The following MED16 variants were observed in gnomAD, a reference collection of about 807,000 sequenced individuals.
The protein encoded by MED16 is mediator of RNA polymerase II transcription subunit 16.
MED16 carries 81 observed loss-of-function variants against 84.4 expected under a neutral mutation model. That is an observed-to-expected ratio of 0.96 (90% CI 0.80 to 1.15). MED16 has a LOEUF of 1.15. Among genes scored for constraint, MED16 ranks in the 50% most tolerant of loss-of-function variants. MED16 has a pLI of 0.00. For missense variants in MED16, 1,585 were observed against 1,245.9 expected (o/e 1.27, Z -4.10); for synonymous variants, 897 against 552.2 (o/e 1.62, Z -8.76).
chr19:871,741 C>G, intron 12 of MED16, 185 bp downstream of exon 12: 1 of 596,404 alleles, frequency 1.7e-6, no homozygotes, highest in Admixed American at 3.0e-5. Flanking sequence ...TCAGGCAGGA[C>G]TTGTGTTTTG....
chr19:872,845 G>C, intron 11 of MED16: 2 of 579,672 alleles, frequency 3.5e-6, no homozygotes, highest in Non-Finnish European at 4.5e-6. Flanking sequence ...GGCTGAGAAG[G>C]AGCAGGGCCT....
chr19:868,774 C>CCGTCTGGAG, intron 14 of MED16, 89 bp downstream of exon 14: 1 of 1,383,390 alleles, frequency 7.2e-7, no homozygotes, highest in Non-Finnish European at 9.8e-7. Flanking sequence ...CCACCCTTGA[C>CCGTCTGGAG]CGTCTGGAGC....
intron 9 of MED16, among the ~76,000 whole-genome samples, chr19:876,317 G>A (rs1035335625): frequency 3.3e-5 from 5 of 152,112 alleles, no homozygotes; most frequent in East Asian, 3.9e-4. Context: ...CTTCTGGCAC[G>A]TGGGCCTCCG....
intron 12 of MED16, chr19:871,594 G>C (rs370804977): frequency 6.3e-7 from 1 of 1,595,846 alleles, no homozygotes; most frequent in African/African-American, 1.3e-5. Flanking sequence ...AGGAGAGACA[G>C]CAAACAGGTG....
intron 11 of MED16, among the ~76,000 whole-genome samples, chr19:873,232 G>A (rs1181561015): frequency 6.9e-6 from 1 of 144,262 alleles, no homozygotes; most frequent in Admixed American, 6.9e-5. Context: ...CAGGAAGTGG[G>A]ACTCCAAGTA....
chr19:890,194 G>A lies in MED16; in HGVS notation c.220C>T (p.His74Tyr). Residue 74 changes from histidine (H) to tyrosine (Y), a missense_variant, in exon 3 of 16, where the codon CAC (histidine) becomes TAC (tyrosine). Transcript: ENST00000325464. Reference protein sequence around the residue: ...ILDTEHPWDLHSIPSEHHEAI... With the variant: ...ILDTEHPWDLYSIPSEHHEAI... ...TCGTGGTGCTCTGAGGGGATCGAGT[G>A]CAGGTCCCAGGGGTGCTCCGTGTCC... The A allele has an allele frequency of 2.6e-6, 4 of 1,555,014 alleles. No homozygotes were observed. Among genetic ancestry groups the A allele is most frequent in the African/African-American group, 1.4e-5 (1 of 73,328 alleles).
At chr19:891,313 C>G in intron 1 of MED16, among the ~76,000 whole-genome samples, 164 bp from the exon 2 acceptor site, 1 of 152,136 alleles carries the variant, frequency 6.6e-6, no homozygotes, top group South Asian at 2.1e-4. Context: ...CGAGGGGGAA[C>G]ATGGAGAGGT....
rs767032727 is a variant in MED16 at position 889,782 on chromosome 19, G to A, written c.303C>T (p.Ala101=). ...QSGSRLLSAD[A]DGQIKCWSMA... ...TGCTCCAGCACTTGATCTGCCCGTC[G>A]GCATCTGCTGACAGGAGCCGGGAGC... Residue 101 remains alanine (A), a synonymous_variant, in exon 4 of 16, where the codon GCC becomes GCT. Coordinates refer to ENST00000325464, the MANE Select transcript of MED16 (RefSeq NM_005481.3). 44 of 1,612,382 alleles carry A rather than the reference G, an allele frequency of 2.7e-5. No individual in the cohort carries two copies. The highest frequency in any genetic ancestry group is 3.3e-5 in the Non-Finnish European group (39 of 1,179,490).
At chr19:891,805 G>A (rs13339757) in intron 1 of MED16, among the ~76,000 whole-genome samples, 37 of 98,976 alleles carry the variant, frequency 3.7e-4, no homozygotes, top group African/African-American at 1.7e-3. Context: ...TGGCCGAGGC[G>A]GGGCTGAGTG....
intron 2 of MED16, chr19:890,488 A>G: frequency 2.3e-6 from 1 of 435,134 alleles, no homozygotes; most frequent in Non-Finnish European, 4.1e-6. Flanking sequence ...AAATGTGAAC[A>G]GTGGGAGCCT....
At chr19:882,893 G>A (rs1020984686) in intron 6 of MED16, among the ~76,000 whole-genome samples, 1 of 152,218 alleles carries the variant, frequency 6.6e-6, no homozygotes, top group Non-Finnish European at 1.5e-5. Flanking sequence ...GGGGTCCTGT[G>A]AGCAGCATTC....
intron 10 of MED16, among the ~76,000 whole-genome samples, chr19:874,658 G>A (rs10425005): frequency 0.22 from 33,901 of 152,106 alleles, 4,000 homozygotes; most frequent in Middle Eastern, 0.28. Context: ...TGAAAGGATC[G>A]CTTGAGCTCA....
chr19:871,628 A>C (rs368247375), intron 12 of MED16: 13 of 1,594,846 alleles, frequency 8.2e-6, no homozygotes, highest in Non-Finnish European at 1.1e-5. Flanking sequence ...GCCATCCCAA[A>C]AGCACCCACA....
chr19:878,640 G>T lies in MED16; in HGVS notation c.1353+1297C>A, dbSNP rs1466464770. 2.2e-5 allele frequency among the ~76,000 whole-genome samples: 3 copies of T among 136,042 alleles called. No homozygotes were observed. The South Asian group carries it at 7.1e-4, about 32-fold the overall frequency. 89.2% of individuals were successfully genotyped at this position (136,042 alleles called of 152,430 possible). The stretch of plus-strand genomic sequence containing the variant: ...ACCAGCCACAACCCCAGCCCCACGT[G>T]CCCCAGCAGCTCACCTTCCCCTGGT... On this transcript the variant is annotated intron_variant, in intron 8 of 15. Coordinates refer to ENST00000325464, the MANE Select transcript of MED16 (RefSeq NM_005481.3).
At chr19:888,909 A>T (rs2036576755) in intron 4 of MED16, among the ~76,000 whole-genome samples, 1 of 152,172 alleles carries the variant, frequency 6.6e-6, no homozygotes, top group South Asian at 2.1e-4. Flanking sequence ...GCACAGAGGC[A>T]CGAAGCTGGG....
intron 5 of MED16, 84 bp downstream of exon 5, chr19:885,686 G>T: frequency 1.3e-6 from 2 of 1,489,902 alleles, no homozygotes; most frequent in South Asian, 1.2e-5. Flanking sequence ...GTGGAGGCCC[G>T]CGCGGGTCTC....
intron 8 of MED16, among the ~76,000 whole-genome samples, 160 bp from the exon 9 acceptor site, chr19:877,340 T>C (rs968429073): frequency 2.6e-5 from 4 of 152,144 alleles, no homozygotes; most frequent in African/African-American, 9.7e-5. Context: ...CGTCTGTACC[T>C]TTCTGTCAGG....
intron 5 of MED16, 108 bp downstream of exon 5, chr19:885,662 C>CCACGGTT (rs2036510535): frequency 7.5e-7 from 1 of 1,338,302 alleles, no homozygotes; most frequent in East Asian, 2.5e-5. Context: ...CCTGCCCACA[C>CCACGGTT]CACGGTTTAG....
intron 11 of MED16, 52 bp from the exon 12 acceptor site, chr19:872,170 T>C (rs772601690): frequency 4.7e-6 from 7 of 1,498,564 alleles, no homozygotes; most frequent in South Asian, 1.2e-5. Context: ...CAGATGGCGA[T>C]GGGATGAAGT....
Sources: allele counts gnomAD v4.1 joint callset (sites outside exome capture counted in the v4.1 genomes callset), GRCh38; gene constraint gnomAD v4.1.1; transcripts MANE v1.5; gene names NCBI Gene and HGNC (gene_info 2026-07-23, HGNC 2026-07-21).